The following HMCN2 variants were observed in gnomAD, a reference collection of about 807,000 sequenced individuals.
The protein encoded by HMCN2 is hemicentin 2, also known as hemicentin-2.
A neutral mutation model predicts 377.5 loss-of-function variants in HMCN2; 325 were observed. The ratio of observed to expected loss-of-function variants is 0.86; its 90% CI spans 0.79 to 0.94. The LOEUF is 0.94. HMCN2 is among the 40% of genes least tolerant of loss of function. The pLI is 0.00. For synonymous variants in HMCN2, 2,007 were observed against 2,046.8 expected, an observed-to-expected ratio of 0.98 and a Z score of 0.53; for missense variants, 4,543 against 4,725.3, an observed-to-expected ratio of 0.96 and a Z score of 1.13.
At chr9:130,421,367 A>G (rs945793284) in intron 86 of HMCN2, among the ~76,000 whole-genome samples, 4 of 152,150 alleles carry the variant, frequency 2.6e-5, no homozygotes, top group Admixed American at 6.5e-5. Flanking sequence ...CTTAAGGGGC[A>G]TGGGTGGGTG....
Position 130,393,157 on chromosome 9 carries a change from T to A in HMCN2, c.10137-55T>A. On this transcript the variant is annotated intron_variant, in intron 66 of 97. Transcript: ENST00000683500. The surrounding 1 kb of genome is among the most constrained non-coding windows in gnomAD (Gnocchi z 5.2). ...TCCTGTCTCTCTCCCTTTCTCTTCC[T>A]CTCTCTCTCTCCCTTTCTCTTGTCT... The A allele has an allele frequency of 1.2e-6, 1 of 845,818 alleles. No homozygotes were observed. The highest frequency in any genetic ancestry group is 1.4e-6 in the Non-Finnish European group (1 of 700,394). 52.4% of individuals were successfully genotyped at this position (845,818 alleles called of 1,614,324 possible).
intron 11 of HMCN2, 22 bp from the exon 12 acceptor site, chr9:130,306,107 C>T (rs994669635): frequency 6.4e-6 from 3 of 470,774 alleles, no homozygotes; most frequent in East Asian, 6.9e-5. Context: ...TCATCCTCGC[C>T]TATCCACTTT....
intron 4 of HMCN2, among the ~76,000 whole-genome samples, chr9:130,288,580 C>T (rs577044176): frequency 2.0e-5 from 3 of 152,348 alleles, no homozygotes; most frequent in East Asian, 3.9e-4. Flanking sequence ...TTGCAAAAGG[C>T]TCCAAACTAT....
At chr9:130,282,181 A>G (rs1157911527) in intron 1 of HMCN2, among the ~76,000 whole-genome samples, 1 of 152,228 alleles carries the variant, frequency 6.6e-6, no homozygotes, top group Non-Finnish European at 1.5e-5. Context: ...CACCCGCTGG[A>G]GCCTGGCCAA....
intron 94 of HMCN2, chr9:130,429,926 T>C: frequency 1.4e-6 from 1 of 706,612 alleles, no homozygotes; most frequent in Non-Finnish European, 2.2e-6. Flanking sequence ...CCTGACCCTG[T>C]GGGGTCATCT....
At chr9:130,388,616 GGAA>G (rs1842138508) in intron 62 of HMCN2, 76 bp downstream of exon 62, 1 of 962,126 alleles carries the variant, frequency 1.0e-6, no homozygotes, top group Non-Finnish European at 1.2e-6. Flanking sequence ...AGCGGACGAA[GGAA>G]GTTATTGGTT....
chr9:130,397,657 T>G lies in HMCN2; in HGVS notation c.11326+2T>G. ...AAGGCCGTGACCTACGGGTCTTGGGTAGGTGGCCTGGGGAAGGCCTTCAGT... is the reference window on the plus strand; with the variant it reads ...AAGGCCGTGACCTACGGGTCTTGGGGAGGTGGCCTGGGGAAGGCCTTCAGT... On this transcript the variant is annotated splice_donor_variant, in intron 74 of 97. Coordinates refer to ENST00000683500, the MANE Select transcript of HMCN2 (RefSeq NM_001291815.2). LOFTEE classifies it high-confidence loss of function. The G allele has an allele frequency of 7.8e-7, 1 of 1,289,674 alleles. No individual in the cohort carries two copies. Among genetic ancestry groups the G allele is most frequent in the Non-Finnish European group, 1.0e-6 (1 of 988,818 alleles). 79.9% of individuals were successfully genotyped at this position (1,289,674 alleles called of 1,614,324 possible).
rs1554935906 is a variant in HMCN2 at position 130,304,732 on chromosome 9, C to A, written c.1546C>A (p.Pro516Thr). The part of the protein sequence containing the change: ...RAKAQIVVTD[P>T]PPQLVPAPNV... Reference sequence around the variant, plus strand: ...CTCCTGTGCTCATGTCCCTGCAGACCCCCCGCCGCAGCTGGTCCCTGCTCC... The same window carrying A: ...CTCCTGTGCTCATGTCCCTGCAGACACCCCGCCGCAGCTGGTCCCTGCTCC... The change falls in exon 11 of 98, where the codon CCC (proline) becomes ACC (threonine). Residue 516 changes from proline (P) to threonine (T), a missense_variant and splice_region_variant. Physicochemically the swap from Pro to Thr is conservative, Grantham distance 38 (BLOSUM62 -1). Around this residue, in one of 5 missense-constraint regions of HMCN2, gnomAD observed 547 missense variants for 189.9 expected, o/e 2.88. Transcript: ENST00000683500. The surrounding 1 kb of genome is among the most constrained non-coding windows in gnomAD (Gnocchi z 4.3). 4.3e-6 allele frequency: 2 copies of A among 462,346 alleles called. No homozygotes were observed. Among genetic ancestry groups the A allele is most frequent in the African/African-American group, 4.0e-5 (2 of 49,920 alleles). 28.6% of individuals were successfully genotyped at this position (462,346 alleles called of 1,614,324 possible). A position where few individuals can be genotyped will look rare whatever the true frequency, so the allele number is the denominator to read the frequency against.
At chr9:130,367,799 G>A (rs1159609304) in intron 43 of HMCN2, among the ~76,000 whole-genome samples, 1 of 151,954 alleles carries the variant, frequency 6.6e-6, no homozygotes, top group Non-Finnish European at 1.5e-5. Flanking sequence ...AAAATTAGCA[G>A]GGCATGGTGG....
chr9:130,426,700 T>G (rs1445583586), intron 90 of HMCN2, among the ~76,000 whole-genome samples: 1 of 152,186 alleles, frequency 6.6e-6, no homozygotes, highest in Non-Finnish European at 1.5e-5. Flanking sequence ...CCAGAACAGC[T>G]TTGAATGCGG....
intron 4 of HMCN2, among the ~76,000 whole-genome samples, chr9:130,287,666 T>A (rs1485551845): frequency 6.6e-6 from 1 of 151,744 alleles, no homozygotes; most frequent in African/African-American, 2.4e-5. Flanking sequence ...TAAATGTCAC[T>A]AGGCCGTGAA....
At position 130,317,822 on chromosome 9, in the gene HMCN2, G is replaced by A. The variant is rs937331578; in HGVS notation, c.2351-1673G>A. The stretch of plus-strand genomic sequence containing the variant: ...ACAAAAAAAACACAAACAAACCAGA[G>A]TCAGGAGACAAAGCAGCGCTGTTTG... On this transcript the variant is annotated intron_variant, in intron 15 of 97. Transcript: ENST00000683500. Among the ~76,000 whole-genome samples the A allele has an allele frequency of 3.6e-4, 54 of 150,436 alleles. No homozygotes were observed. In the South Asian group the frequency reaches 0.011, roughly 31 times the overall value.
chr9:130,385,022 TCA>T (rs1343581791), intron 59 of HMCN2, among the ~76,000 whole-genome samples: 1 of 152,180 alleles, frequency 6.6e-6, no homozygotes, highest in Non-Finnish European at 1.5e-5. Context: ...GAAGCCTGTT[TCA>T]CAGTGGAGCC....
rs1842718832 is a variant in HMCN2, at chr9:130,398,551, A to C, written c.11327A>C (p.Glu3776Ala). ...DRQGRDLRVL[E>A]PPAIAPSPSN... is the part of the protein sequence containing the mutation. ...CTCCTGACCACTGTGCTCTCCCCAG[A>C]GCCTCCAGCCATCGCCCCCAGCCCC... Residue 3776 changes from glutamate (E) to alanine (A), a missense_variant and splice_region_variant, in exon 75 of 98, where the codon GAG (glutamate) becomes GCG (alanine). Glu to Ala is a moderately radical substitution (Grantham distance 107). Coordinates refer to ENST00000683500, the MANE Select transcript of HMCN2 (RefSeq NM_001291815.2). 8.9e-6 allele frequency: 11 copies of C among 1,234,938 alleles called. No individual in the cohort carries two copies. In the South Asian group the frequency reaches 1.2e-4, roughly 14 times the overall value. 76.5% of individuals were successfully genotyped at this position (1,234,938 alleles called of 1,614,324 possible).
rs1554937781 is a variant in HMCN2, at chr9:130,308,723, T to A, written c.2200+1157T>A. ...CGTCAACCCAGCCCTAGAGCCCCAC[T>A]TTAAAAGGTGGCCTTGCCATGAAAT... On this transcript the variant is annotated intron_variant, in intron 14 of 97. Transcript: ENST00000683500. The surrounding 1 kb of genome is among the most constrained non-coding windows in gnomAD (Gnocchi z 4.1). 6.6e-6 allele frequency among the ~76,000 whole-genome samples: 1 copy of A among 152,170 alleles called. No individual in the cohort carries two copies. The highest frequency in any genetic ancestry group is 1.5e-5 in the Non-Finnish European group (1 of 68,026).
At chr9:130,392,797 C>A (rs111737104) in intron 66 of HMCN2, among the ~76,000 whole-genome samples, 7,842 of 152,126 alleles carry the variant, frequency 0.052, 281 homozygotes, top group Non-Finnish European at 0.084. Flanking sequence ...GAGATCAAGA[C>A]CATCCTGGCT....
At chr9:130,376,439 A>AC in intron 51 of HMCN2, 77 bp from the exon 52 acceptor site, 2 of 433,256 alleles carry the variant, frequency 4.6e-6, no homozygotes, top group Non-Finnish European at 6.2e-6. Context: ...TTCTGAGGCT[A>AC]CCCCCAGGAC....
chr9:130,348,705 T>TG (rs1839530563), intron 27 of HMCN2, 30 bp downstream of exon 27: 2 of 455,578 alleles, frequency 4.4e-6, no homozygotes, highest in South Asian at 1.6e-5. Flanking sequence ...GGGCGGGGTA[T>TG]GGGTGGGATT....
chr9:130,387,593 A>C (rs1464799283), intron 61 of HMCN2, among the ~76,000 whole-genome samples: 1 of 152,220 alleles, frequency 6.6e-6, no homozygotes, highest in Non-Finnish European at 1.5e-5. Flanking sequence ...AGCTGGCTGC[A>C]GGGGACACTG....
Sources: allele counts gnomAD v4.1 joint callset (sites outside exome capture counted in the v4.1 genomes callset), GRCh38; gene constraint gnomAD v4.1.1; regional missense constraint gnomAD v4.1.1; non-coding constraint Gnocchi (gnomAD v3.1); transcripts MANE v1.5; gene names NCBI Gene and HGNC (gene_info 2026-07-23, HGNC 2026-07-21).